The following CTDP1 variants were observed in gnomAD, a reference collection of about 807,000 sequenced individuals.
CTDP1 encodes the protein CTD phosphatase 1.
Under a neutral mutation model 91.8 loss-of-function variants are expected in CTDP1, and 47 were observed. The observed-to-expected ratio is 0.51, with a 90% confidence interval of 0.41 to 0.65. The LOEUF (loss-of-function observed/expected upper bound fraction) is 0.65. Ranked by LOEUF, CTDP1 falls within the 30% of genes least tolerant of loss-of-function variation. The pLI is 0.00. For missense variants in CTDP1, 1,272 were observed against 1,373.7 expected (o/e 0.93, Z 1.17); for synonymous variants, 656 against 598.5 (o/e 1.10, Z -1.40).
intron 4 of CTDP1, chr18:79,703,504 A>G (rs959616347): frequency 4.6e-5 from 7 of 152,218 alleles, no homozygotes; most frequent in Admixed American, 3.3e-4. Flanking sequence ...TTCAGCTTTT[A>G]TGTTGTATAT....
chr18:79,679,345 G>C (rs1279499989), upstream of CTDP1: 6 of 446,198 alleles, frequency 1.3e-5, no homozygotes, highest in Admixed American at 7.1e-5. Flanking sequence ...CTGGGCCCGC[G>C]GCGCGCAAGG....
intron 1 of CTDP1, chr18:79,681,508 G>T: frequency 1.3e-5 from 13 of 985,044 alleles, no homozygotes; most frequent in South Asian, 4.7e-5. Context: ...GGCTGCTTTG[G>T]CCTAGACAGG....
intron 11 of CTDP1, among the ~76,000 whole-genome samples, chr18:79,731,476 T>C (rs1488677283): frequency 6.6e-6 from 1 of 152,192 alleles, no homozygotes; most frequent in African/African-American, 2.4e-5. Context: ...TGGTCAGTGC[T>C]GTGGGAATGT....
At chr18:79,728,746 C>G (rs952047335) in intron 10 of CTDP1, among the ~76,000 whole-genome samples, 161 bp from the exon 11 acceptor site, 1 of 77,510 alleles carries the variant, frequency 1.3e-5, no homozygotes, top group African/African-American at 2.9e-5. Flanking sequence ...GATCCATTAA[C>G]CTCTGAAAAG....
intron 12 of CTDP1, among the ~76,000 whole-genome samples, chr18:79,749,551 G>T (rs1241437370): frequency 6.7e-6 from 1 of 149,930 alleles, no homozygotes; most frequent in African/African-American, 2.5e-5. Context: ...CTTGGTGACC[G>T]TCCCGAGCTC....
chr18:79,696,426 C>T (rs1439342599), intron 3 of CTDP1, among the ~76,000 whole-genome samples: 2 of 151,944 alleles, frequency 1.3e-5, no homozygotes, highest in Non-Finnish European at 2.9e-5. Context: ...TCATGGAGCT[C>T]AGGAGGTGGC....
At chr18:79,729,391 A>G (rs948285097) in intron 11 of CTDP1, among the ~76,000 whole-genome samples, 14 of 152,154 alleles carry the variant, frequency 9.2e-5, no homozygotes, top group Non-Finnish European at 1.6e-4. Context: ...CCCCAAGGAC[A>G]TGGGACGGGG....
chr18:79,712,854 T>A, intron 6 of CTDP1, 118 bp from the exon 7 acceptor site: 1 of 1,117,282 alleles, frequency 9.0e-7, no homozygotes, highest in East Asian at 2.5e-5. Context: ...GTCCGTCTGA[T>A]TAACCTGCTG....
rs763175422 is a variant in CTDP1 at position 79,714,534 on chromosome 18, C to A, written c.1074C>A (p.Pro358=). 3 of 1,613,044 alleles carry A rather than the reference C, an allele frequency of 1.9e-6. No homozygotes were observed. The highest frequency in any genetic ancestry group is 2.2e-5 in the East Asian group (1 of 44,890). The part of the protein sequence containing the change: ...RGTEVSEPSP[P]VRDPEGVTQA... ...CTGAGGTCTCAGAGCCATCTCCGCC[C>A]GTGAGAGACCCTGAGGGGGTAACGC... Residue 358 remains proline (P), a synonymous_variant, in exon 8 of 13, where the codon CCC becomes CCA. Coordinates refer to ENST00000613122, the MANE Select transcript of CTDP1 (RefSeq NM_004715.5).
At position 79,727,267 on chromosome 18, in the gene CTDP1, T is replaced by C. The variant is rs572189074; in HGVS notation, c.2418-1640T>C. Among the ~76,000 whole-genome samples the C allele has an allele frequency of 2.6e-5, 4 of 152,370 alleles. No homozygotes were observed. In the South Asian group the frequency reaches 8.3e-4, roughly 32 times the overall value. ...CAGTTGGCCCTTTGAACAACACTGC[T>C]TTGGACTGCGTGTGTCCAGTTGTAC... On this transcript the variant is annotated intron_variant, in intron 10 of 12. Coordinates refer to ENST00000613122, the MANE Select transcript of CTDP1 (RefSeq NM_004715.5).
intron 1 of CTDP1, among the ~76,000 whole-genome samples, chr18:79,688,630 C>A (rs2085557435): frequency 2.0e-5 from 3 of 152,192 alleles, no homozygotes; most frequent in Non-Finnish European, 4.4e-5. Flanking sequence ...GAACTCCTGA[C>A]CTCAGGTGAC....
Position 79,714,907 on chromosome 18 carries a change from G to C in CTDP1, c.1447G>C (p.Gly483Arg). The C allele has an allele frequency of 6.4e-7, 1 of 1,569,692 alleles. No individual in the cohort carries two copies. Residue 483 changes from glycine (G) to arginine (R), a missense_variant, in exon 8 of 13, where the codon GGC becomes CGC. Physicochemically the swap from Gly to Arg is moderately radical, Grantham distance 125 (BLOSUM62 -2). Around this residue, in one of 3 missense-constraint regions of CTDP1, gnomAD observed 881 missense variants for 911.6 expected, o/e 0.97. Transcript: ENST00000613122. The part of the protein sequence containing the change: ...ASDGESEGKR[G>R]RQKPKAAPEG... ...TGATGGCGAAAGCGAGGGGAAAAGAGGCCGGCAGAAGCCGAAGGCTGCCCC... is the reference window on the plus strand; with the variant it reads ...TGATGGCGAAAGCGAGGGGAAAAGACGCCGGCAGAAGCCGAAGGCTGCCCC...
intron 10 of CTDP1, among the ~76,000 whole-genome samples, chr18:79,726,316 A>G (rs1257143339): frequency 6.6e-6 from 1 of 152,166 alleles, no homozygotes; most frequent in Non-Finnish European, 1.5e-5. Context: ...TTCTGTTTAT[A>G]AAATGTCTGT....
intron 3 of CTDP1, among the ~76,000 whole-genome samples, chr18:79,697,402 C>T (rs1420110281): frequency 6.6e-6 from 1 of 152,238 alleles, no homozygotes; most frequent in African/African-American, 2.4e-5. Context: ...TGCCAGGCCC[C>T]CGGGTCTCTT....
chr18:79,701,442 G>A (rs1289018347), intron 4 of CTDP1, among the ~76,000 whole-genome samples: 6 of 151,684 alleles, frequency 4.0e-5, no homozygotes, highest in African/African-American at 7.3e-5. Context: ...CCCGGGAGGC[G>A]GAGCTTGCAG....
intron 12 of CTDP1, among the ~76,000 whole-genome samples, chr18:79,743,401 C>T (rs1040531736): frequency 1.3e-5 from 2 of 152,028 alleles, no homozygotes; most frequent in African/African-American, 2.4e-5. Context: ...CAGCATGCGC[C>T]TGTAGTCCCA....
intron 1 of CTDP1, among the ~76,000 whole-genome samples, chr18:79,692,193 G>A (rs892855805): frequency 6.6e-6 from 1 of 151,998 alleles, no homozygotes; most frequent in African/African-American, 2.4e-5. Flanking sequence ...GGGAACAGTG[G>A]AGAAAACCTT....
chr18:79,684,612 C>T (rs537440639), intron 1 of CTDP1, among the ~76,000 whole-genome samples: 8 of 147,384 alleles, frequency 5.4e-5, no homozygotes, highest in African/African-American at 2.1e-4. Flanking sequence ...TCGTTGCCTG[C>T]GTTGTTGTCA....
In CTDP1 at chr18:79,718,030, C is replaced by G. The variant is rs2086257432; in HGVS notation, c.2417+14C>G. ...CTCTTCCTTCAGGTACGTGGCGGCC[C>G]AGCCACTGTCCCCAGCTAATGAGGG... On this transcript the variant is annotated intron_variant, in intron 10 of 12. Coordinates refer to ENST00000613122, the MANE Select transcript of CTDP1 (RefSeq NM_004715.5). The G allele has an allele frequency of 1.9e-6, 3 of 1,612,288 alleles. No homozygotes were observed. Among genetic ancestry groups the G allele is most frequent in the Non-Finnish European group, 2.5e-6 (3 of 1,179,758 alleles).
Sources: allele counts gnomAD v4.1 joint callset (sites outside exome capture counted in the v4.1 genomes callset), GRCh38; gene constraint gnomAD v4.1.1; regional missense constraint gnomAD v4.1.1; transcripts MANE v1.5; gene names NCBI Gene and HGNC (gene_info 2026-07-23, HGNC 2026-07-21).